Variants in MCTP2 observed in about 807,000 individuals in gnomAD.
The protein encoded by MCTP2 is multiple C2 and transmembrane domain containing 2.
In MCTP2, 132 loss-of-function variants were observed where a neutral mutation model predicts 111.6. The observed-to-expected ratio is 1.18, with a 90% CI of 1.03 to 1.37. The LOEUF is 1.37. Ranked by LOEUF, MCTP2 falls within the 40% of genes most tolerant of loss-of-function variation. MCTP2 has a pLI of 0.00. For synonymous variants in MCTP2, 395 were observed against 387.7 expected, an observed-to-expected ratio of 1.02 and a Z score of -0.22; for missense variants, 1,183 against 1,067.9, an observed-to-expected ratio of 1.11 and a Z score of -1.50.
intron 18 of MCTP2, among the ~76,000 whole-genome samples, chr15:94,440,931 C>T (rs1027002943): frequency 2.0e-5 from 3 of 152,188 alleles, no homozygotes; most frequent in Admixed American, 6.5e-5. Context: ...CTGCTCCTGG[C>T]CCCCTCATTG....
At chr15:94,402,827 T>C in intron 17 of MCTP2, 2 of 1,327,018 alleles carry the variant, frequency 1.5e-6, no homozygotes, top group Non-Finnish European at 1.9e-6. Flanking sequence ...AAGATCACTA[T>C]AAAAACTAAT....
chr15:94,338,002 A>T (rs1204894620), intron 4 of MCTP2, among the ~76,000 whole-genome samples: 1 of 152,196 alleles, frequency 6.6e-6, no homozygotes, highest in East Asian at 1.9e-4. Context: ...AGCTAAATAG[A>T]AATATTAAAA....
chr15:94,478,845 T>C, intron 22 of MCTP2, 121 bp from the exon 23 acceptor site: 1 of 750,230 alleles, frequency 1.3e-6, no homozygotes, highest in South Asian at 1.6e-5. Context: ...GTTTAGAAAA[T>C]GATTCATTAC....
intron 14 of MCTP2, among the ~76,000 whole-genome samples, chr15:94,394,064 A>AAT (rs1025983452): frequency 6.6e-6 from 1 of 151,658 alleles, no homozygotes; most frequent in African/African-American, 2.4e-5. Flanking sequence ...AAAAAAAAAA[A>AAT]AAAAAAAATG....
At chr15:94,444,715 C>G (rs1333948367) in intron 19 of MCTP2, among the ~76,000 whole-genome samples, 2 of 152,172 alleles carry the variant, frequency 1.3e-5, no homozygotes, top group Non-Finnish European at 2.9e-5. Context: ...GAGCTTTGTG[C>G]CAGGAACCAG....
intron 14 of MCTP2, among the ~76,000 whole-genome samples, chr15:94,395,124 G>C (rs911140721): frequency 6.6e-6 from 1 of 152,198 alleles, no homozygotes; most frequent in African/African-American, 2.4e-5. Flanking sequence ...AATGGATACC[G>C]AGTAAAGTGT....
chr15:94,476,811 A>G lies in MCTP2; in HGVS notation c.2568+18A>G. 9 of 1,416,816 alleles carry G rather than the reference A, an allele frequency of 6.4e-6. No homozygotes were observed. Among genetic ancestry groups the G allele is most frequent in the Non-Finnish European group, 9.0e-6 (9 of 1,001,918 alleles). The allele number at this position is 1,416,816 out of a possible 1,614,324, so 87.8% of individuals were successfully genotyped here. Reference sequence around the variant, plus strand: ...TTCAAAAGGTATGTAATGAATGGTTACCACCAACAGTGGCCCCAACCTGAA... The same window carrying G: ...TTCAAAAGGTATGTAATGAATGGTTGCCACCAACAGTGGCCCCAACCTGAA... On this transcript the variant is annotated intron_variant, in intron 22 of 22. Coordinates refer to ENST00000357742, the MANE Select transcript of MCTP2 (RefSeq NM_001385001.1).
chr15:94,455,629 G>A (rs1463257219), intron 19 of MCTP2, among the ~76,000 whole-genome samples: 3 of 151,904 alleles, frequency 2.0e-5, no homozygotes, highest in Non-Finnish European at 4.4e-5. Flanking sequence ...GCTTCACCAT[G>A]TTGGTCAGAA....
At chr15:94,413,940 G>A (rs1441679501) in intron 17 of MCTP2, among the ~76,000 whole-genome samples, 1 of 152,000 alleles carries the variant, frequency 6.6e-6, no homozygotes, top group Non-Finnish European at 1.5e-5. Context: ...TTCATTTATG[G>A]TTTTTTAAGT....
At chr15:94,456,630 GA>G (rs1271213818) in intron 19 of MCTP2, among the ~76,000 whole-genome samples, 1 of 152,144 alleles carries the variant, frequency 6.6e-6, no homozygotes, top group East Asian at 1.9e-4. Flanking sequence ...TAGAGTAAGG[GA>G]AAAAATTCAA....
At position 94,243,617 on chromosome 15, in the gene MCTP2, G is replaced by GTA. The variant is rs560461133; in HGVS notation, c.-66+11958_-66+11959dup. Reference sequence around the variant, plus strand: ...TATATGTATGTATACACGCATATGTGTATATACGCATATGCGTATATACAT... The same window carrying GTA: ...TATATGTATGTATACACGCATATGTGTATATATACGCATATGCGTATATACAT... On this transcript the variant is annotated intron_variant, in intron 1 of 22. Transcript: ENST00000357742. Among the ~76,000 whole-genome samples, 32 of 149,142 alleles carry GTA rather than the reference G, an allele frequency of 2.1e-4. No homozygotes were observed. The Middle Eastern group carries it at 0.011, about 50-fold the overall frequency.
At chr15:94,245,254 A>G (rs1415728781) in intron 1 of MCTP2, among the ~76,000 whole-genome samples, 5 of 143,010 alleles carry the variant, frequency 3.5e-5, no homozygotes, top group East Asian at 2.1e-4. Flanking sequence ...ACACATATGT[A>G]TATATACATA....
rs1176531167 is a variant in MCTP2 at position 94,345,167 on chromosome 15, A to G, written c.1005+3A>G. The G allele has an allele frequency of 1.2e-6, 2 of 1,611,720 alleles. No homozygotes were observed. The stretch of plus-strand genomic sequence containing the variant: ...GGAAGCGATTAAGTGCCAGCAAGGT[A>G]AATATACTTTTTTTTCCTTTAGATC... On this transcript the variant is annotated splice_donor_region_variant and intron_variant, in intron 8 of 22. Coordinates refer to ENST00000357742, the MANE Select transcript of MCTP2 (RefSeq NM_001385001.1).
intron 10 of MCTP2, among the ~76,000 whole-genome samples, chr15:94,366,474 TA>T (rs1214552038): frequency 6.6e-6 from 1 of 152,220 alleles, no homozygotes; most frequent in Non-Finnish European, 1.5e-5. Context: ...AGCTTTCTCT[TA>T]AATTTCTTAA....
At chr15:94,430,594 A>AAAAAAAT (rs2083131092) in intron 17 of MCTP2, among the ~76,000 whole-genome samples, 1 of 150,240 alleles carries the variant, frequency 6.7e-6, no homozygotes, top group African/African-American at 2.4e-5. Flanking sequence ...AAAAAAAAAA[A>AAAAAAAT]AAAATTAGCT....
chr15:94,458,149 AAG>A lies in MCTP2; in HGVS notation c.2264_2265del (p.Lys755ArgfsTer4). The A allele has an allele frequency of 6.2e-7, 1 of 1,604,034 alleles. No individual in the cohort carries two copies. Among genetic ancestry groups the A allele is most frequent in the Non-Finnish European group, 8.5e-7 (1 of 1,171,086 alleles). On this transcript the variant is annotated frameshift_variant, in exon 20 of 23. Coordinates refer to ENST00000357742, the MANE Select transcript of MCTP2 (RefSeq NM_001385001.1). LOFTEE classifies it high-confidence loss of function. ...TTATGTTTTCTAGGAATCTGAGAAA[AAG>A]GGGTTGATTGAAAGAATCTATATGG... ...EDEDDKESEK[K>X]GLIERIYMVQ...
chr15:94,467,734 T>C (rs2073513435), intron 20 of MCTP2, among the ~76,000 whole-genome samples: 1 of 152,244 alleles, frequency 6.6e-6, no homozygotes, highest in Non-Finnish European at 1.5e-5. Context: ...AAGCTGCAAG[T>C]TAAATTTCTT....
At chr15:94,420,833 G>C (rs1168674525) in intron 17 of MCTP2, among the ~76,000 whole-genome samples, 1 of 152,158 alleles carries the variant, frequency 6.6e-6, no homozygotes, top group African/African-American at 2.4e-5. Flanking sequence ...GGAAGGGTTT[G>C]AAAATGTTGA....
intron 22 of MCTP2, among the ~76,000 whole-genome samples, chr15:94,477,987 G>T (rs1470082926): frequency 6.6e-6 from 1 of 152,124 alleles, no homozygotes; most frequent in South Asian, 2.1e-4. Flanking sequence ...TCATTTATCT[G>T]CCTCTGACAA....
Sources: gnomAD v4.1 joint callset for allele counts (sites outside exome capture counted in the v4.1 genomes callset) on GRCh38, gnomAD v4.1.1 for gene constraint, MANE v1.5 for transcripts, NCBI Gene and HGNC (gene_info 2026-07-23, HGNC 2026-07-21) for gene names.